CDH13: variants seen among roughly 807,000 people sequenced by gnomAD.
CDH13 encodes cadherin-13.
A neutral mutation model predicts 63.8 loss-of-function variants in CDH13; 24 were observed. The ratio of observed to expected loss-of-function variants is 0.38; its 90% CI spans 0.27 to 0.53. CDH13 has a LOEUF of 0.53. CDH13 is among the 20% of genes least tolerant of loss of function. The pLI is 0.85. For synonymous variants in CDH13, 503 were observed against 355.3 expected (o/e 1.42, Z -4.67); for missense variants, 1,049 against 903.1 (o/e 1.16, Z -2.07).
At chr16:83,654,082 T>C (rs907971380) in intron 8 of CDH13, among the ~76,000 whole-genome samples, 1 of 151,986 alleles carries the variant, frequency 6.6e-6, no homozygotes, top group Non-Finnish European at 1.5e-5. Context: ...TAGACAGGGA[T>C]GGGCATGTGG....
chr16:83,682,542 CACTG>C (rs1915492712), intron 10 of CDH13, among the ~76,000 whole-genome samples: 1 of 152,198 alleles, frequency 6.6e-6, no homozygotes, highest in African/African-American at 2.4e-5. Flanking sequence ...TGAATGAGCT[CACTG>C]ACTGTGCGCA....
intron 6 of CDH13, among the ~76,000 whole-genome samples, chr16:83,433,855 A>AT (rs919508448): frequency 5.3e-5 from 8 of 151,448 alleles, no homozygotes; most frequent in Non-Finnish European, 1.2e-4. Flanking sequence ...GTTGGTAATG[A>AT]TTTTTTTTTC....
chr16:82,890,702 A>G (rs1403430852), intron 2 of CDH13, among the ~76,000 whole-genome samples: 1 of 147,728 alleles, frequency 6.8e-6, no homozygotes, highest in Non-Finnish European at 1.5e-5. Context: ...CCCAGGCTAG[A>G]GTGCAATGGC....
chr16:82,946,539 G>A (rs2151316681), intron 2 of CDH13, among the ~76,000 whole-genome samples: 1 of 152,068 alleles, frequency 6.6e-6, no homozygotes, highest in East Asian at 1.9e-4. Flanking sequence ...TGGCCAAGAT[G>A]GCAAAACCTC....
chr16:83,768,807 G>A (rs547644202), intron 11 of CDH13, among the ~76,000 whole-genome samples: 4 of 152,134 alleles, frequency 2.6e-5, no homozygotes, highest in Admixed American at 1.3e-4. Context: ...CACTCTCATC[G>A]CCATCTTGGT....
At chr16:82,834,649 T>C (rs1451251642) in intron 1 of CDH13, among the ~76,000 whole-genome samples, 2 of 152,184 alleles carry the variant, frequency 1.3e-5, no homozygotes, top group Non-Finnish European at 2.9e-5. Context: ...TTCTTCACAG[T>C]GGTCAGCCCC....
At position 83,792,479 on chromosome 16, in the gene CDH13, T is replaced by C. The variant is rs550536477; in HGVS notation, c.2135-2544T>C. Reference sequence around the variant, plus strand: ...AAGATGTTTCTTGTTGTTGTTGTTGTTCTTGCTTTTAACTAATTTGCCTCC... The same window carrying C: ...AAGATGTTTCTTGTTGTTGTTGTTGCTCTTGCTTTTAACTAATTTGCCTCC... On this transcript the variant is annotated intron_variant, in intron 13 of 13. Transcript: ENST00000567109. 5.3e-5 allele frequency among the ~76,000 whole-genome samples: 8 copies of C among 152,380 alleles called. 1 individual carries two copies. The highest frequency in any genetic ancestry group is 1.9e-4 in the African/African-American group (8 of 41,586).
At chr16:83,168,912 A>G (rs1358410638) in intron 4 of CDH13, among the ~76,000 whole-genome samples, 3 of 152,054 alleles carry the variant, frequency 2.0e-5, no homozygotes, top group Non-Finnish European at 4.4e-5. Flanking sequence ...ACTTTTCCCT[A>G]GTTTTGGTTA....
rs554808911 is a variant in CDH13 at position 83,599,316 on chromosome 16, C to T, written c.961-3138C>T. On this transcript the variant is annotated intron_variant, in intron 7 of 13. Coordinates refer to ENST00000567109, the MANE Select transcript of CDH13 (RefSeq NM_001257.5). ...CCTAGTCTCCCAATTTGCTTCACCG[C>T]GCAATGTCAGGAGCTGTCCTTTAGA... Among the ~76,000 whole-genome samples, 147 of 152,308 alleles carry T rather than the reference C, an allele frequency of 9.7e-4. 4 individuals are homozygous for T. The highest frequency in any genetic ancestry group is 7.7e-4 in the East Asian group (4 of 5,182).
intron 3 of CDH13, among the ~76,000 whole-genome samples, chr16:83,043,458 C>G (rs2151491332): frequency 6.6e-6 from 1 of 151,018 alleles, no homozygotes; most frequent in East Asian, 1.9e-4. Context: ...GTGAAATTAA[C>G]TTTAATAATT....
chr16:83,672,809 G>C (rs1354139217), intron 9 of CDH13, among the ~76,000 whole-genome samples: 1 of 152,184 alleles, frequency 6.6e-6, no homozygotes, highest in African/African-American at 2.4e-5. Flanking sequence ...ATGTGATGGA[G>C]ATGTCTATTT....
chr16:82,845,912 C>G (rs920063255), intron 1 of CDH13, among the ~76,000 whole-genome samples: 1 of 152,160 alleles, frequency 6.6e-6, no homozygotes, highest in African/African-American at 2.4e-5. Context: ...TTAAGTTTTC[C>G]AAGTGAGCCC....
At chr16:82,969,551 ATAGTTTC>A (rs914342726) in intron 2 of CDH13, among the ~76,000 whole-genome samples, 2 of 146,514 alleles carry the variant, frequency 1.4e-5, no homozygotes, top group African/African-American at 5.1e-5. Context: ...GGGCTAGCCC[ATAGTTTC>A]TCAACCTGGG....
At chr16:83,050,487 G>T (rs1313001469) in intron 3 of CDH13, among the ~76,000 whole-genome samples, 3 of 152,214 alleles carry the variant, frequency 2.0e-5, no homozygotes, top group East Asian at 1.9e-4. Flanking sequence ...CACTCTTTCT[G>T]TATAGAAACC....
chr16:82,766,174 T>C (rs919962826), intron 1 of CDH13, among the ~76,000 whole-genome samples: 20 of 152,250 alleles, frequency 1.3e-4, no homozygotes. Context: ...GAGTCTTCTT[T>C]AGGCTTCTGC....
At chr16:82,966,143 TTTTG>T (rs535597691) in intron 2 of CDH13, among the ~76,000 whole-genome samples, 17 of 152,152 alleles carry the variant, frequency 1.1e-4, no homozygotes, top group Admixed American at 2.6e-4. Flanking sequence ...TTTTTCCTAT[TTTTG>T]TTTGTTTGTT....
rs1904284524 is a variant in CDH13 at position 83,796,967 on chromosome 16, C to T, written c.*1937C>T. 6.6e-6 allele frequency: 1 copy of T among 152,206 alleles called. No homozygotes were observed. The highest frequency in any genetic ancestry group is 1.5e-5 in the Non-Finnish European group (1 of 68,054). 9.4% of individuals were successfully genotyped at this position (152,206 alleles called of 1,614,324 possible). ...TGTTGCTGGATCAGGAGATGCCACA[C>T]CTTGAACTTGATAGGGTCATTCTCC... On this transcript the variant is annotated 3_prime_UTR_variant, in exon 14 of 14. Transcript: ENST00000567109.
chr16:82,762,474 G>A (rs1274059690), intron 1 of CDH13, among the ~76,000 whole-genome samples: 1 of 152,294 alleles, frequency 6.6e-6, no homozygotes, highest in East Asian at 1.9e-4. Flanking sequence ...TATGTGAGAG[G>A]ATGTTATTTA....
At chr16:83,125,924 C>T (rs982433530) in intron 4 of CDH13, among the ~76,000 whole-genome samples, 1 of 152,064 alleles carries the variant, frequency 6.6e-6, no homozygotes, top group Non-Finnish European at 1.5e-5. Flanking sequence ...AAAAACTAAA[C>T]CAGATCAAGG....
Sources: gnomAD v4.1 joint callset for allele counts (sites outside exome capture counted in the v4.1 genomes callset) on GRCh38, gnomAD v4.1.1 for gene constraint, MANE v1.5 for transcripts, NCBI Gene and HGNC (gene_info 2026-07-23, HGNC 2026-07-21) for gene names.